Variants in MUC17 observed in about 807,000 individuals in gnomAD.
MUC17 encodes mucin 17, cell surface associated.
Under a neutral mutation model 170.3 loss-of-function variants are expected in MUC17, and 190 were observed. The ratio of observed to expected loss-of-function variants is 1.12; its 90% CI spans 0.99 to 1.26. The LOEUF (loss-of-function observed/expected upper bound fraction) is 1.26, where lower values mean the gene tolerates loss of function less well. Among genes scored for constraint, MUC17 ranks in the 50% most tolerant of loss-of-function variants. The pLI is 0.00. For missense variants in MUC17, 6,415 were observed against 5,530.0 expected (o/e 1.16, Z -5.08); for synonymous variants, 2,325 against 2,002.5 (o/e 1.16, Z -4.30).
chr7:101,032,957 C>T lies in MUC17; in HGVS notation c.1541C>T (p.Thr514Ile), dbSNP rs750573916. The T allele has an allele frequency of 1.2e-6, 2 of 1,614,180 alleles. No individual in the cohort carries two copies. The highest frequency in any genetic ancestry group is 1.3e-5 in the African/African-American group (1 of 75,038). Residue 514 changes from threonine (T) to isoleucine (I), a missense_variant, in exon 3 of 13, where the codon ACA (threonine) becomes ATA (isoleucine). Transcript: ENST00000306151. ...STPSEGSTPLTSMSVSTMPVA... is the reference protein window; with the variant it reads ...STPSEGSTPLISMSVSTMPVA... ...CCTAGTGAAGGAAGCACTCCATTAA[C>T]AAGTATGTCTGTCAGCACCATGCCG...
rs776273135 is a variant in MUC17, at chr7:101,034,382, C to A, written c.2966C>A (p.Pro989His). 6.2e-7 allele frequency: 1 copy of A among 1,608,558 alleles called. No individual in the cohort carries two copies. The highest frequency in any genetic ancestry group is 8.5e-7 in the Non-Finnish European group (1 of 1,177,562). Residue 989 changes from proline (P) to histidine (H), a missense_variant, in exon 3 of 13, where the codon CCT becomes CAT. Physicochemically the swap from Pro to His is moderately conservative, Grantham distance 77. Transcript: ENST00000306151. ...SEGTTPLTST[P>H]VSHTLVANSE... ...GGAACGACTCCATTAACAAGCACAC[C>A]TGTCAGCCACACGCTGGTGGCCAAT...
In MUC17 at chr7:101,040,656, T is replaced by A. The variant is rs765866292; in HGVS notation, c.9240T>A (p.Ser3080=). The stretch of plus-strand genomic sequence containing the variant: ...ACTCCAACAGTCCTGTGGTCACTTC[T>A]ACTGAAGTCAGTTCATCTCCTACAC... The part of the protein sequence containing the change: ...PVDSNSPVVT[S]TEVSSSPTPA... Residue 3080 remains serine, a synonymous_variant, in exon 3 of 13, where the codon TCT becomes TCA. Coordinates refer to ENST00000306151, the MANE Select transcript of MUC17 (RefSeq NM_001040105.2). 2.5e-6 allele frequency: 4 copies of A among 1,613,036 alleles called. No individual in the cohort carries two copies. The highest frequency in any genetic ancestry group is 3.4e-6 in the Non-Finnish European group (4 of 1,179,474).
In MUC17 at chr7:101,048,852, G is replaced by A. The variant is rs145823489; in HGVS notation, c.12543G>A (p.Pro4181=). The change falls in exon 5 of 13, where the codon CCG becomes CCA. Residue 4181 remains proline (P), a synonymous_variant. Transcript: ENST00000306151. The stretch of plus-strand genomic sequence containing the variant: ...TAAGTCTACCCGCCTCAGGGCCACC[G>A]GAGACTATCTCTGCCCAAATGGAAC... ...EVVSSIDIGP[P]ETISAQMELT... 257 of 1,613,848 alleles carry A rather than the reference G, an allele frequency of 1.6e-4. No individual in the cohort carries two copies. Among genetic ancestry groups the A allele is most frequent in the African/African-American group, 1.2e-3 (88 of 74,902 alleles).
Position 101,035,868 on chromosome 7 carries a change from T to C in MUC17, c.4452T>C (p.Ser1484=), listed in dbSNP as rs1233054046. The change falls in exon 3 of 13, where the codon AGT becomes AGC. Residue 1484 remains serine, a synonymous_variant. Coordinates refer to ENST00000306151, the MANE Select transcript of MUC17 (RefSeq NM_001040105.2). ...TLSTTPVDSN[S]PVVTSTAVSS... ...CAACAACTCCTGTTGACTCTAACAGTCCTGTGGTCACTTCTACAGCAGTCA... is the reference window on the plus strand; with the variant it reads ...CAACAACTCCTGTTGACTCTAACAGCCCTGTGGTCACTTCTACAGCAGTCA... The C allele has an allele frequency of 6.2e-7, 1 of 1,605,204 alleles. No individual in the cohort carries two copies. Among genetic ancestry groups the C allele is most frequent in the East Asian group, 2.2e-5 (1 of 44,582 alleles).
In MUC17 at chr7:101,042,999, C is replaced by G; in HGVS notation, c.11583C>G (p.Val3861=). The stretch of plus-strand genomic sequence containing the variant: ...GTTCATTCTCCATACCTGCTGAAGT[C>G]ACTACCATACGTATTTCAATTACCA... The part of the protein sequence containing the change: ...KAGSFSIPAE[V]TTIRISITSE... Residue 3861 remains valine (V), a synonymous_variant, in exon 3 of 13, where the codon GTC becomes GTG. Coordinates refer to ENST00000306151, the MANE Select transcript of MUC17 (RefSeq NM_001040105.2). The G allele has an allele frequency of 6.2e-7, 1 of 1,614,160 alleles. No individual in the cohort carries two copies. Among genetic ancestry groups the G allele is most frequent in the Non-Finnish European group, 8.5e-7 (1 of 1,180,036 alleles).
Position 101,035,347 on chromosome 7 carries a change from A to G in MUC17, c.3931A>G (p.Thr1311Ala). The change falls in exon 3 of 13, where the codon ACT becomes GCT. Residue 1311 changes from threonine to alanine, a missense_variant. Thr to Ala is a moderately conservative substitution (Grantham distance 58). Coordinates refer to ENST00000306151, the MANE Select transcript of MUC17 (RefSeq NM_001040105.2). The part of the protein sequence containing the change: ...TPVDTKGPVV[T>A]SNEVSSSPTP... ...TGTTGACACTAAAGGTCCTGTGGTC[A>G]CTTCTAATGAAGTCAGTTCATCTCC... The G allele has an allele frequency of 6.2e-7, 1 of 1,610,856 alleles. No individual in the cohort carries two copies. The highest frequency in any genetic ancestry group is 1.7e-5 in the Admixed American group (1 of 59,834).
At chr7:101,049,782 C>T (rs921702338) in intron 6 of MUC17, among the ~76,000 whole-genome samples, 1 of 152,134 alleles carries the variant, frequency 6.6e-6, no homozygotes, top group South Asian at 2.1e-4. Flanking sequence ...TTTAAAGACC[C>T]TATCTCCAAA....
intron 8 of MUC17, 38 bp from the exon 9 acceptor site, chr7:101,051,765 T>C (rs1219693660): frequency 6.2e-7 from 1 of 1,605,888 alleles, no homozygotes; most frequent in Middle Eastern, 1.7e-4. Flanking sequence ...CCCAGCCCTC[T>C]GATCACGGCT....
At chr7:101,047,679 A>C (rs1794865359) in intron 3 of MUC17, among the ~76,000 whole-genome samples, 1 of 151,974 alleles carries the variant, frequency 6.6e-6, no homozygotes, top group Non-Finnish European at 1.5e-5. Flanking sequence ...AAAATACAAA[A>C]ACTTAGCTGG....
Position 101,032,197 on chromosome 7 carries a change from G to C in MUC17, c.781G>C (p.Glu261Gln). ...AQASSSPTTA[E>Q]GPSLSNSAPS... ...AGCCAGTTCATCTCCTACAACTGCT[G>C]AAGGTCCCAGCCTGTCAAACTCAGC... The change falls in exon 3 of 13, where the codon GAA (glutamate) becomes CAA (glutamine). Residue 261 changes from glutamate to glutamine, a missense_variant. Coordinates refer to ENST00000306151, the MANE Select transcript of MUC17 (RefSeq NM_001040105.2). The C allele has an allele frequency of 6.2e-7, 1 of 1,614,224 alleles. No individual in the cohort carries two copies. Among genetic ancestry groups the C allele is most frequent in the Non-Finnish European group, 8.5e-7 (1 of 1,180,032 alleles).
chr7:101,024,993 C>G (rs1045562800), intron 1 of MUC17, among the ~76,000 whole-genome samples: 8 of 151,918 alleles, frequency 5.3e-5, no homozygotes, highest in African/African-American at 1.9e-4. Flanking sequence ...TGCACTCCAG[C>G]CTGGGTAACA....
chr7:101,028,516 G>A (rs1056715568), intron 1 of MUC17, among the ~76,000 whole-genome samples: 5 of 151,808 alleles, frequency 3.3e-5, no homozygotes, highest in Non-Finnish European at 2.9e-5. Flanking sequence ...ATCTCTAGAA[G>A]TTCTGTTTGT....
Position 101,038,595 on chromosome 7 carries a change from T to C in MUC17, c.7179T>C (p.Ser2393=), listed in dbSNP as rs763010018. The C allele has an allele frequency of 1.2e-6, 2 of 1,614,088 alleles. No individual in the cohort carries two copies. The highest frequency in any genetic ancestry group is 1.1e-5 in the South Asian group (1 of 91,082). ...CTAGCATGCCAACCTCAACTTATAG[T>C]GAAGGAAGCACTCCACTAACAAGTG... ...DDTSMPTSTY[S]EGSTPLTSVP... Residue 2393 remains serine (S), a synonymous_variant, in exon 3 of 13, where the codon AGT becomes AGC. Coordinates refer to ENST00000306151, the MANE Select transcript of MUC17 (RefSeq NM_001040105.2).
At position 101,032,794 on chromosome 7, in the gene MUC17, A is replaced by T. The variant is rs903116775; in HGVS notation, c.1378A>T (p.Ser460Cys). 1.2e-6 allele frequency: 2 copies of T among 1,614,036 alleles called. No individual in the cohort carries two copies. The highest frequency in any genetic ancestry group is 1.7e-6 in the Non-Finnish European group (2 of 1,180,010). ...GSTPLTSMPV[S>C]TTPVASSEAS... The stretch of plus-strand genomic sequence containing the variant: ...CACTCCATTAACAAGTATGCCTGTC[A>T]GCACCACTCCAGTGGCCAGTTCTGA... Residue 460 changes from serine (S) to cysteine (C), a missense_variant, in exon 3 of 13, where the codon AGC (serine) becomes TGC (cysteine). Transcript: ENST00000306151.
At chr7:101,047,881 A>G (rs1794870054) in intron 3 of MUC17, 103 bp from the exon 4 acceptor site, 2 of 1,334,926 alleles carry the variant, frequency 1.5e-6, no homozygotes, top group African/African-American at 1.5e-5. Context: ...TGTAAGCTGT[A>G]AAGTGCTGTG....
intron 12 of MUC17, among the ~76,000 whole-genome samples, chr7:101,056,760 G>A (rs890237454): frequency 2.6e-5 from 4 of 152,086 alleles, no homozygotes; most frequent in East Asian, 1.9e-4. Context: ...CCAATACCAC[G>A]ATTATATCCA....
At chr7:101,023,672 T>A (rs1014266791) in intron 1 of MUC17, among the ~76,000 whole-genome samples, 11 of 152,114 alleles carry the variant, frequency 7.2e-5, no homozygotes, top group Admixed American at 4.6e-4. Flanking sequence ...TCCCAAAGTG[T>A]GGGGATTACA....
chr7:101,035,930 C>G lies in MUC17; in HGVS notation c.4514C>G (p.Ala1505Gly). Residue 1505 changes from alanine (A) to glycine (G), a missense_variant, in exon 3 of 13, where the codon GCA becomes GGA. By Grantham distance (60) the Ala-to-Gly change is moderately conservative. Transcript: ENST00000306151. ...ACACCTGCTGAAGGTACCAGCATAGCAATCTCAACGCCTAGTGAAGGAAGC... is the reference window on the plus strand; with the variant it reads ...ACACCTGCTGAAGGTACCAGCATAGGAATCTCAACGCCTAGTGAAGGAAGC... ...SPTPAEGTSI[A>G]ISTPSEGSTA... 6.2e-7 allele frequency: 1 copy of G among 1,613,068 alleles called. No individual in the cohort carries two copies. The highest frequency in any genetic ancestry group is 8.5e-7 in the Non-Finnish European group (1 of 1,179,544).
At position 101,036,292 on chromosome 7, in the gene MUC17, C is replaced by T. The variant is rs879208733; in HGVS notation, c.4876C>T (p.Pro1626Ser). 1.2e-6 allele frequency: 2 copies of T among 1,613,032 alleles called. No individual in the cohort carries two copies. Among genetic ancestry groups the T allele is most frequent in the Non-Finnish European group, 1.7e-6 (2 of 1,179,484 alleles). The change falls in exon 3 of 13, where the codon CCT becomes TCT. Residue 1626 changes from proline (P) to serine (S), a missense_variant. Physicochemically the swap from Pro to Ser is moderately conservative, Grantham distance 74 (BLOSUM62 -1). Transcript: ENST00000306151. The part of the protein sequence containing the change: ...AEGSSMTIST[P>S]SEGSPLLTSI... The stretch of plus-strand genomic sequence containing the variant: ...AGGTAGCAGCATGACAATCTCAACT[C>T]CTAGTGAAGGAAGTCCTCTATTAAC...
Sources: gnomAD v4.1 joint callset for allele counts (sites outside exome capture counted in the v4.1 genomes callset) on GRCh38, gnomAD v4.1.1 for gene constraint, MANE v1.5 for transcripts, NCBI Gene and HGNC (gene_info 2026-07-23, HGNC 2026-07-21) for gene names.